JAM2: variants seen among roughly 807,000 people sequenced by gnomAD.
JAM2 encodes junctional adhesion molecule B.
In JAM2, 17 loss-of-function variants were observed where a neutral mutation model predicts 42.0. That is an observed-to-expected ratio of 0.40 (90% CI 0.28 to 0.61). The LOEUF is 0.61. Ranked by LOEUF, JAM2 falls within the 20% of genes least tolerant of loss-of-function variation. The probability of loss-of-function intolerance (pLI) is 0.37; values close to 1 mark genes in which losing one functional copy is unlikely to be tolerated. For synonymous variants in JAM2, 118 were observed against 128.6 expected, an observed-to-expected ratio of 0.92 and a Z score of 0.56; for missense variants, 319 against 358.3, an observed-to-expected ratio of 0.89 and a Z score of 0.89.
At chr21:25,696,891 A>G (rs1462861300) in intron 4 of JAM2, among the ~76,000 whole-genome samples, 3 of 152,110 alleles carry the variant, frequency 2.0e-5, no homozygotes, top group African/African-American at 7.2e-5. Context: ...TGTTGTTTTG[A>G]GACAAAATTT....
chr21:25,675,818 G>A (rs1033384241), intron 1 of JAM2, among the ~76,000 whole-genome samples: 5 of 152,102 alleles, frequency 3.3e-5, no homozygotes, highest in Non-Finnish European at 5.9e-5. Context: ...CTGAACATGA[G>A]ATTTGGGTGG....
intron 1 of JAM2, among the ~76,000 whole-genome samples, chr21:25,683,531 T>C (rs2033684002): frequency 6.6e-6 from 1 of 152,126 alleles, no homozygotes; most frequent in African/African-American, 2.4e-5. Context: ...AATTAGCTTT[T>C]ATTTGTGGGG....
Position 25,680,610 on chromosome 21 carries a change from A to C in JAM2, c.68-3273A>C, listed in dbSNP as rs142533579. Among the ~76,000 whole-genome samples, 973 of 152,358 alleles carry C rather than the reference A, an allele frequency of 6.4e-3. 12 individuals are homozygous for C. Among genetic ancestry groups the C allele is most frequent in the African/African-American group, 0.022 (894 of 41,574 alleles). ...GTAATTGTGGGAAATGGAAATACAG[A>C]TGTCCAGCAGAAAGCTGGGCTTACA... On this transcript the variant is annotated intron_variant, in intron 1 of 9. Coordinates refer to ENST00000480456, the MANE Select transcript of JAM2 (RefSeq NM_021219.4).
At chr21:25,668,950 G>A (rs1601012778) in intron 1 of JAM2, among the ~76,000 whole-genome samples, 1 of 152,260 alleles carries the variant, frequency 6.6e-6, no homozygotes, top group African/African-American at 2.4e-5. Flanking sequence ...CATAAATTAT[G>A]TTTTACAGAG....
chr21:25,714,306 A>G (rs958211862), intron 9 of JAM2: 8 of 893,138 alleles, frequency 9.0e-6, no homozygotes, highest in African/African-American at 1.7e-5. Context: ...GGAGTTCTAG[A>G]CCAGTCTGGC....
At chr21:25,685,215 T>C (rs2033723293) in intron 2 of JAM2, among the ~76,000 whole-genome samples, 1 of 152,106 alleles carries the variant, frequency 6.6e-6, no homozygotes, top group South Asian at 2.1e-4. Flanking sequence ...ACACATAATA[T>C]GAATTATGTG....
chr21:25,687,966 G>T (rs1025110495), intron 2 of JAM2, among the ~76,000 whole-genome samples: 3 of 152,144 alleles, frequency 2.0e-5, no homozygotes, highest in Non-Finnish European at 2.9e-5. Context: ...TTGTTTATCT[G>T]ACTTCCCCTG....
Position 25,698,757 on chromosome 21 carries a change from G to A in JAM2, c.475G>A (p.Glu159Lys), listed in dbSNP as rs767188712. 1 of 1,614,154 alleles carries A rather than the reference G, an allele frequency of 6.2e-7. No individual in the cohort carries two copies. Among genetic ancestry groups the A allele is most frequent in the East Asian group, 2.2e-5 (1 of 44,886 alleles). Residue 159 changes from glutamate to lysine, a missense_variant, in exon 5 of 10, where the codon GAA becomes AAA. Glu to Lys is a moderately conservative substitution (Grantham distance 56). Transcript: ENST00000480456. ...TVVELRCQDK[E>K]GNPAPEYTWF... is the part of the protein sequence containing the mutation. ...GGTAGAGCTACGATGTCAAGACAAA[G>A]AAGGGAATCCAGCTCCTGAATACAC...
At chr21:25,685,644 T>C (rs2033736095) in intron 2 of JAM2, among the ~76,000 whole-genome samples, 1 of 152,070 alleles carries the variant, frequency 6.6e-6, no homozygotes, top group Non-Finnish European at 1.5e-5. Flanking sequence ...TTTATATGCT[T>C]AAGCTATAGA....
At chr21:25,712,276 G>C in intron 8 of JAM2, 64 bp from the exon 9 acceptor site, 1 of 1,061,934 alleles carries the variant, frequency 9.4e-7, no homozygotes, top group African/African-American at 1.6e-5. Context: ...AACTAAAAGA[G>C]CATATATGTT....
intron 1 of JAM2, among the ~76,000 whole-genome samples, chr21:25,669,362 A>G (rs2033300437): frequency 6.7e-6 from 1 of 148,640 alleles, no homozygotes; most frequent in Admixed American, 6.8e-5. Flanking sequence ...ACAGAGTGAA[A>G]CCCTGTCTCA....
intron 1 of JAM2, among the ~76,000 whole-genome samples, chr21:25,681,119 C>T (rs758210569): frequency 6.6e-6 from 1 of 152,248 alleles, no homozygotes; most frequent in East Asian, 1.9e-4. Flanking sequence ...AATATATAGT[C>T]GAGAAATAAC....
chr21:25,665,748 T>C (rs948123974), intron 1 of JAM2, among the ~76,000 whole-genome samples: 1 of 152,100 alleles, frequency 6.6e-6, no homozygotes, highest in Non-Finnish European at 1.5e-5. Flanking sequence ...CCGATTTAAA[T>C]GTTAATCTCA....
At chr21:25,664,117 C>A (rs1040568097) in intron 1 of JAM2, among the ~76,000 whole-genome samples, 1 of 152,242 alleles carries the variant, frequency 6.6e-6, no homozygotes, top group Non-Finnish European at 1.5e-5. Context: ...TCTTACTGAC[C>A]ATTCAGCTCA....
intron 6 of JAM2, among the ~76,000 whole-genome samples, chr21:25,702,934 C>A (rs57095872): frequency 0.089 from 13,499 of 152,098 alleles, 779 homozygotes; most frequent in East Asian, 0.3. Flanking sequence ...CTCACTGCAA[C>A]CTCTGCCTCC....
intron 1 of JAM2, among the ~76,000 whole-genome samples, chr21:25,649,157 TG>T (rs1197349475): frequency 6.6e-6 from 1 of 152,232 alleles, no homozygotes; most frequent in Non-Finnish European, 1.5e-5. Context: ...AAAACTCAGA[TG>T]AGTCAAACAA....
At chr21:25,703,870 TG>T (rs1440239967) in intron 6 of JAM2, among the ~76,000 whole-genome samples, 1 of 152,078 alleles carries the variant, frequency 6.6e-6, no homozygotes, top group African/African-American at 2.4e-5. Context: ...CAGAAAATGG[TG>T]AACAGGATGT....
intron 1 of JAM2, among the ~76,000 whole-genome samples, chr21:25,679,019 G>T (rs965490039): frequency 3.3e-5 from 5 of 152,146 alleles, no homozygotes; most frequent in Non-Finnish European, 5.9e-5. Context: ...GCCCAGGCTG[G>T]TCTTAAACTC....
intron 1 of JAM2, among the ~76,000 whole-genome samples, chr21:25,683,478 T>C (rs1228755884): frequency 6.6e-6 from 1 of 152,212 alleles, no homozygotes; most frequent in African/African-American, 2.4e-5. Context: ...TTGTCAAGGA[T>C]AAATTCATAA....
Sources: gnomAD v4.1 joint callset for allele counts (sites outside exome capture counted in the v4.1 genomes callset) on GRCh38, gnomAD v4.1.1 for gene constraint, MANE v1.5 for transcripts, NCBI Gene and HGNC (gene_info 2026-07-23, HGNC 2026-07-21) for gene names.